PDZD9: variants seen among roughly 807,000 people sequenced by gnomAD.
PDZD9 encodes the protein PDZ domain-containing protein 9.
In PDZD9, 13 loss-of-function variants were observed where a neutral mutation model predicts 16.3. The observed-to-expected ratio is 0.80, with a 90% CI of 0.52 to 1.27. The LOEUF (loss-of-function observed/expected upper bound fraction) is 1.27. Among genes scored for constraint, PDZD9 ranks in the 50% most tolerant of loss-of-function variants. The pLI, the probability that PDZD9 is intolerant of heterozygous loss-of-function variation, is 0.00. For missense variants in PDZD9, 288 were observed against 310.9 expected (o/e 0.93, Z 0.55); for synonymous variants, 120 against 111.0 (o/e 1.08, Z -0.51).
downstream of PDZD9, chr16:21,983,191 G>A (rs745368077): frequency 8.7e-6 from 14 of 1,604,966 alleles, no homozygotes; most frequent in African/African-American, 1.7e-4. Context: ...ACACATTACA[G>A]GAGAGAGCTG....
the PDZD9 span, chr16:21,958,385 G>A: frequency 1.4e-6 from 1 of 703,284 alleles, no homozygotes; most frequent in African/African-American, 1.8e-5. Flanking sequence ...GCTTTTTGTT[G>A]AGCCTTGTTT....
chr16:21,957,564 C>T, the PDZD9 span: 2 of 1,613,960 alleles, frequency 1.2e-6, no homozygotes, highest in Admixed American at 3.3e-5. Context: ...TACATCCAGT[C>T]TGGTGAGTAT....
rs1017676474 is a variant in PDZD9, at chr16:22,001,005, C to T, written c.31+12G>A. On this transcript the variant is annotated intron_variant, in intron 1 of 3. Transcript: ENST00000424898. ...CCAGGGCTTCTTCACCCGCTTCCTT[C>T]TCCCCAGTTACCTTTTTTGTTTTTG... 3 of 1,533,728 alleles carry T rather than the reference C, an allele frequency of 2.0e-6. No individual in the cohort carries two copies. The highest frequency in any genetic ancestry group is 4.9e-5 in the East Asian group (2 of 40,722).
the PDZD9 span, among the ~76,000 whole-genome samples, chr16:21,969,906 C>G: frequency 8.4e-4 from 128 of 151,720 alleles, 1 homozygote; most frequent in Admixed American, 8.3e-3. Context: ...AGGTCTCATT[C>G]TGTTGCCCAA....
chr16:21,962,710 T>C, the PDZD9 span: 2 of 1,612,164 alleles, frequency 1.2e-6, no homozygotes, highest in Non-Finnish European at 1.7e-6. Context: ...GAATCTCAAA[T>C]GTTGGCTTTA....
chr16:21,958,736 T>C, the PDZD9 span: 2 of 737,564 alleles, frequency 2.7e-6, no homozygotes, highest in Non-Finnish European at 4.5e-6. Flanking sequence ...TTTGAGTATA[T>C]CAAACTGTAA....
At chr16:21,968,632 A>G in the PDZD9 span, 3 of 1,607,232 alleles carry the variant, frequency 1.9e-6, no homozygotes, top group Non-Finnish European at 1.7e-6. Context: ...CCTCAGTTAC[A>G]TTACTTCGTT....
At chr16:21,970,540 AT>A in the PDZD9 span, among the ~76,000 whole-genome samples, 1 of 152,194 alleles carries the variant, frequency 6.6e-6, no homozygotes, top group Non-Finnish European at 1.5e-5. Context: ...GACAAATGAC[AT>A]TGAACATATT....
At chr16:21,965,203 A>C in the PDZD9 span, among the ~76,000 whole-genome samples, 1 of 152,190 alleles carries the variant, frequency 6.6e-6, no homozygotes, top group Non-Finnish European at 1.5e-5. Context: ...GCTGCCATGT[A>C]ATCTTTTTTA....
At chr16:21,960,417 A>G in the PDZD9 span, among the ~76,000 whole-genome samples, 1 of 152,226 alleles carries the variant, frequency 6.6e-6, no homozygotes, top group Non-Finnish European at 1.5e-5. Context: ...ATTGCTCTGG[A>G]TTAAGCTTTG....
downstream of PDZD9, among the ~76,000 whole-genome samples, chr16:21,981,619 G>A (rs1898730838): frequency 6.6e-6 from 1 of 151,756 alleles, no homozygotes; most frequent in African/African-American, 2.4e-5. Flanking sequence ...GCTAGGCTTG[G>A]TGGCATGCGC....
intron 2 of PDZD9, among the ~76,000 whole-genome samples, chr16:21,989,685 G>A (rs756076152): frequency 4.6e-5 from 7 of 152,194 alleles, no homozygotes; most frequent in Admixed American, 1.3e-4. Flanking sequence ...TATGCAGTGA[G>A]TATGTTGGTT....
chr16:21,976,322 A>G, the PDZD9 span: 5 of 1,233,518 alleles, frequency 4.1e-6, no homozygotes, highest in African/African-American at 3.0e-5. Context: ...CAATATTACA[A>G]TCTATGCTCA....
At chr16:21,976,191 G>C in the PDZD9 span, 1 of 1,613,996 alleles carries the variant, frequency 6.2e-7, no homozygotes, top group Non-Finnish European at 8.5e-7. Context: ...CTATAATCAA[G>C]TAAAAACAAT....
At chr16:22,000,985 G>C in intron 1 of PDZD9, 32 bp downstream of exon 1, 4 of 1,531,520 alleles carry the variant, frequency 2.6e-6, no homozygotes, top group Non-Finnish European at 3.5e-6. Flanking sequence ...GGTCCCCAGG[G>C]CTTCTTCACC....
the PDZD9 span, among the ~76,000 whole-genome samples, chr16:21,972,960 C>T: frequency 7.2e-5 from 11 of 152,084 alleles, no homozygotes; most frequent in African/African-American, 2.4e-4. Context: ...ATTGTCTGGG[C>T]GTGGTGGCGC....
chr16:21,963,927 T>A, the PDZD9 span, among the ~76,000 whole-genome samples: 2 of 152,352 alleles, frequency 1.3e-5, no homozygotes, highest in East Asian at 3.9e-4. Context: ...AATAGGAATC[T>A]TTTTTGCATT....
the PDZD9 span, chr16:21,958,584 T>C: frequency 2.5e-6 from 4 of 1,612,156 alleles, no homozygotes; most frequent in Middle Eastern, 1.7e-4. Flanking sequence ...ATTGAAGCAG[T>C]TGGTGGCAAA....
intron 3 of PDZD9, among the ~76,000 whole-genome samples, chr16:21,985,802 T>G (rs1271494796): frequency 6.6e-6 from 1 of 152,250 alleles, no homozygotes; most frequent in Non-Finnish European, 1.5e-5. Context: ...TGAATGGCTT[T>G]TCCAAAAGTT....
Sources: allele counts gnomAD v4.1 joint callset (sites outside exome capture counted in the v4.1 genomes callset), GRCh38; gene constraint gnomAD v4.1.1; transcripts MANE v1.5; gene names NCBI Gene and HGNC (gene_info 2026-07-23, HGNC 2026-07-21).